Variants in CTNNA3 observed in about 807,000 individuals in gnomAD.
CTNNA3 encodes catenin alpha 3.
A neutral mutation model predicts 95.7 loss-of-function variants in CTNNA3; 76 were observed. The observed-to-expected ratio is 0.79, with a 90% CI of 0.66 to 0.96. The LOEUF (loss-of-function observed/expected upper bound fraction) is 0.96, where lower values mean the gene tolerates loss of function less well. Ranked by LOEUF, CTNNA3 falls within the 40% of genes least tolerant of loss-of-function variation. The pLI is 0.00. For synonymous variants in CTNNA3, 431 were observed against 374.4 expected (o/e 1.15, Z -1.74); for missense variants, 1,191 against 1,089.8 (o/e 1.09, Z -1.31).
At position 67,639,054 on chromosome 10, in the gene CTNNA3, A is replaced by C. The variant is rs539269713; in HGVS notation, c.99+8361T>G. Among the ~76,000 whole-genome samples, 154 of 152,304 alleles carry C rather than the reference A, an allele frequency of 1.0e-3. 2 individuals carry two copies. Among genetic ancestry groups the C allele is most frequent in the African/African-American group, 3.6e-3 (148 of 41,556 alleles). On this transcript the variant is annotated intron_variant, in intron 2 of 17. Coordinates refer to ENST00000433211, the MANE Select transcript of CTNNA3 (RefSeq NM_013266.4). Reference sequence around the variant, plus strand: ...AGACACATAAAAAACCCTTCAAAAAATTAATGAATCCAGGAGCTGGTTTTT... The same window carrying C: ...AGACACATAAAAAACCCTTCAAAAACTTAATGAATCCAGGAGCTGGTTTTT...
chr10:67,003,244 G>A (rs780449235), intron 7 of CTNNA3, among the ~76,000 whole-genome samples: 21 of 152,116 alleles, frequency 1.4e-4, no homozygotes, highest in South Asian at 4.1e-4. Context: ...GGGAATAAAC[G>A]AAATTAATGT....
At chr10:66,938,984 C>T (rs1847862516) in intron 7 of CTNNA3, among the ~76,000 whole-genome samples, 1 of 152,166 alleles carries the variant, frequency 6.6e-6, no homozygotes, top group Admixed American at 6.5e-5. Flanking sequence ...GTCTCCTTAT[C>T]TCAGCCCCAG....
At chr10:66,822,821 G>A (rs921321614) in intron 7 of CTNNA3, among the ~76,000 whole-genome samples, 7 of 152,174 alleles carry the variant, frequency 4.6e-5, no homozygotes, top group Non-Finnish European at 1.0e-4. Context: ...TACTTTGGCT[G>A]GGCAGAGCAG....
At chr10:66,222,718 G>A (rs7896020) in intron 13 of CTNNA3, among the ~76,000 whole-genome samples, 16,860 of 149,316 alleles carry the variant, frequency 0.11, 1,009 homozygotes, top group Admixed American at 0.14. Context: ...AGGGAAGAAG[G>A]GAGAAGGGGG....
At chr10:66,878,443 C>T (rs1174795116) in intron 7 of CTNNA3, among the ~76,000 whole-genome samples, 2 of 152,092 alleles carry the variant, frequency 1.3e-5, no homozygotes, top group East Asian at 1.9e-4. Context: ...TTCCCCAGCA[C>T]GCTGCCAGTA....
At chr10:67,596,733 A>G (rs2133359009) in intron 3 of CTNNA3, among the ~76,000 whole-genome samples, 1 of 152,148 alleles carries the variant, frequency 6.6e-6, no homozygotes, top group East Asian at 1.9e-4. Context: ...GGAGAATGAT[A>G]ATTATGTGTC....
chr10:66,501,683 G>A (rs144741267), intron 11 of CTNNA3, among the ~76,000 whole-genome samples: 146 of 152,178 alleles, frequency 9.6e-4, no homozygotes, highest in African/African-American at 3.3e-3. Context: ...GTTGTCATGC[G>A]CCTGTGAGAA....
In CTNNA3 at chr10:66,816,801, A is replaced by G. The variant is rs541292308; in HGVS notation, c.1048-41277T>C. On this transcript the variant is annotated intron_variant, in intron 7 of 17. Transcript: ENST00000433211. ...CAGTGAAAAAGCCTCAATTAACTTA[A>G]AAGGATTTAAATAATATAAAGTACG... is the stretch of plus-strand genomic sequence containing the variant. 4.6e-5 allele frequency among the ~76,000 whole-genome samples: 7 copies of G among 152,228 alleles called. No homozygotes were observed. The East Asian group carries it at 9.6e-4, about 21-fold the overall frequency.
intron 14 of CTNNA3, among the ~76,000 whole-genome samples, chr10:66,091,501 A>G (rs2133694287): frequency 6.6e-6 from 1 of 152,052 alleles, no homozygotes; most frequent in East Asian, 1.9e-4. Flanking sequence ...CTAGCCAGAC[A>G]CTGTTCTAAG....
intron 3 of CTNNA3, among the ~76,000 whole-genome samples, chr10:67,556,042 A>G (rs1290274636): frequency 6.6e-6 from 1 of 152,198 alleles, no homozygotes; most frequent in Non-Finnish European, 1.5e-5. Context: ...TTCTGTTTAT[A>G]TGATGGATTA....
intron 9 of CTNNA3, among the ~76,000 whole-genome samples, chr10:66,710,371 C>T (rs962725273): frequency 5.9e-5 from 9 of 152,022 alleles, no homozygotes; most frequent in African/African-American, 2.2e-4. Flanking sequence ...CACTAGCTAA[C>T]CCAAAAGTTG....
chr10:66,773,627 C>T (rs1424276333), intron 8 of CTNNA3, among the ~76,000 whole-genome samples: 1 of 152,146 alleles, frequency 6.6e-6, no homozygotes, highest in South Asian at 2.1e-4. Flanking sequence ...GCCCAGCCAA[C>T]CCAAGACATC....
At chr10:66,207,171 T>C (rs1400745921) in intron 13 of CTNNA3, among the ~76,000 whole-genome samples, 1 of 134,152 alleles carries the variant, frequency 7.5e-6, no homozygotes, top group African/African-American at 2.5e-5. Flanking sequence ...ATTTAATATA[T>C]AGATATATAT....
chr10:67,124,340 G>GTC (rs1859608837), intron 7 of CTNNA3, among the ~76,000 whole-genome samples: 1 of 140,670 alleles, frequency 7.1e-6, no homozygotes, highest in Non-Finnish European at 1.5e-5. Flanking sequence ...AGCGGTGTGT[G>GTC]TGTGTGTGTG....
chr10:66,732,147 T>G (rs907006686), intron 9 of CTNNA3, among the ~76,000 whole-genome samples: 1 of 152,242 alleles, frequency 6.6e-6, no homozygotes, highest in African/African-American at 2.4e-5. Flanking sequence ...AGTAAAGGGC[T>G]TGGAGAGGTT....
chr10:66,600,466 A>G (rs943759889), intron 10 of CTNNA3, among the ~76,000 whole-genome samples: 4 of 151,800 alleles, frequency 2.6e-5, no homozygotes, highest in African/African-American at 9.7e-5. Context: ...ATTTTTAGTC[A>G]AAAGCTTTGA....
intron 5 of CTNNA3, among the ~76,000 whole-genome samples, chr10:67,268,908 TA>T (rs1035210083): frequency 6.6e-6 from 1 of 151,582 alleles, no homozygotes; most frequent in Non-Finnish European, 1.5e-5. Context: ...CTACTAAAAA[TA>T]AAAAAAATGT....
chr10:66,121,853 G>C (rs545670445), intron 13 of CTNNA3, among the ~76,000 whole-genome samples: 26 of 152,188 alleles, frequency 1.7e-4, no homozygotes, highest in African/African-American at 6.3e-4. Flanking sequence ...CAAAAAAAAA[G>C]TTGCTGAGGT....
chr10:66,641,557 T>C (rs1845517734), intron 9 of CTNNA3, among the ~76,000 whole-genome samples: 1 of 152,184 alleles, frequency 6.6e-6, no homozygotes, highest in African/African-American at 2.4e-5. Context: ...GTTATCTTTG[T>C]TATTTGATCT....
Sources: allele counts gnomAD v4.1 joint callset (sites outside exome capture counted in the v4.1 genomes callset), GRCh38; gene constraint gnomAD v4.1.1; transcripts MANE v1.5; gene names NCBI Gene and HGNC (gene_info 2026-07-23, HGNC 2026-07-21).